The following C1QTNF3 variants were observed in gnomAD, a reference collection of about 807,000 sequenced individuals.
C1QTNF3 encodes the protein C1q and TNF related 3.
A neutral mutation model predicts 32.6 loss-of-function variants in C1QTNF3; 26 were observed. That is an observed-to-expected ratio of 0.80 (90% confidence interval 0.58 to 1.11). The LOEUF is 1.11. Ranked by LOEUF, C1QTNF3 falls within the 50% of genes least tolerant of loss-of-function variation. The pLI is 0.00. For missense variants in C1QTNF3, 362 were observed against 398.2 expected, an observed-to-expected ratio of 0.91 and a Z score of 0.77; for synonymous variants, 155 against 146.0, an observed-to-expected ratio of 1.06 and a Z score of -0.44.
At chr5:34,113,999 A>G in the C1QTNF3 span, among the ~76,000 whole-genome samples, 18 of 152,334 alleles carry the variant, frequency 1.2e-4, no homozygotes, top group Middle Eastern at 3.4e-3. Context: ...GCGATCTTCA[A>G]TGGAAATTTT....
chr5:34,046,365 T>C (rs571212042), upstream of C1QTNF3, among the ~76,000 whole-genome samples: 2 of 152,276 alleles, frequency 1.3e-5, no homozygotes, highest in South Asian at 4.1e-4. Context: ...TTAAAGGTGA[T>C]CAACTTAAGA....
At chr5:34,081,074 C>T in the C1QTNF3 span, among the ~76,000 whole-genome samples, 3 of 151,656 alleles carry the variant, frequency 2.0e-5, no homozygotes, top group African/African-American at 7.3e-5. Flanking sequence ...GGGGAAGCTG[C>T]CTAAACTCTC....
the C1QTNF3 span, among the ~76,000 whole-genome samples, chr5:34,231,159 T>A: frequency 6.6e-6 from 1 of 152,124 alleles, no homozygotes; most frequent in Non-Finnish European, 1.5e-5. Flanking sequence ...ATAAACTTAG[T>A]TTTGCTTTAA....
chr5:34,217,341 G>C, the C1QTNF3 span, among the ~76,000 whole-genome samples: 1 of 152,092 alleles, frequency 6.6e-6, no homozygotes, highest in African/African-American at 2.4e-5. Context: ...TTAATAAAAT[G>C]AGAATTTGTC....
At chr5:34,206,180 CCT>C in the C1QTNF3 span, among the ~76,000 whole-genome samples, 1 of 148,844 alleles carries the variant, frequency 6.7e-6, no homozygotes, top group Non-Finnish European at 1.5e-5. Context: ...AGGTAAATCT[CCT>C]CTGCAAATAA....
chr5:34,040,758 C>G (rs1754851632), intron 1 of C1QTNF3, among the ~76,000 whole-genome samples: 1 of 148,438 alleles, frequency 6.7e-6, no homozygotes, highest in Non-Finnish European at 1.5e-5. Context: ...GCATCCCCAA[C>G]CCAGGAGCTT....
At chr5:34,218,383 C>T in the C1QTNF3 span, 3 of 151,180 alleles carry the variant, frequency 2.0e-5, no homozygotes, top group African/African-American at 7.4e-5. Context: ...CAGGACTACA[C>T]CAAAGAAGCA....
chr5:34,229,892 G>A, the C1QTNF3 span, among the ~76,000 whole-genome samples: 28 of 152,208 alleles, frequency 1.8e-4, no homozygotes, highest in African/African-American at 6.0e-4. Context: ...TCATGATAAT[G>A]TTAGTGTTCT....
the C1QTNF3 span, among the ~76,000 whole-genome samples, chr5:34,111,143 T>A: frequency 1.2e-4 from 19 of 152,350 alleles, no homozygotes; most frequent in Non-Finnish European, 2.5e-4. Flanking sequence ...AGCAACATAC[T>A]TTATCTGATC....
chr5:34,110,143 A>G, the C1QTNF3 span, among the ~76,000 whole-genome samples: 1 of 152,238 alleles, frequency 6.6e-6, no homozygotes, highest in Non-Finnish European at 1.5e-5. Context: ...AGACATTATC[A>G]TGTGACAATA....
chr5:34,146,442 T>C, the C1QTNF3 span, among the ~76,000 whole-genome samples: 1 of 152,196 alleles, frequency 6.6e-6, no homozygotes, highest in East Asian at 1.9e-4. Flanking sequence ...GTCATAAAAA[T>C]AGCATGATAC....
the C1QTNF3 span, chr5:34,218,596 T>C: frequency 6.6e-6 from 1 of 152,478 alleles, no homozygotes; most frequent in African/African-American, 2.4e-5. Context: ...GAGTAAAGGA[T>C]GGACAGAGTC....
the C1QTNF3 span, among the ~76,000 whole-genome samples, chr5:34,124,869 T>C: frequency 1.3e-5 from 2 of 152,198 alleles, no homozygotes; most frequent in Non-Finnish European, 2.9e-5. Flanking sequence ...TAAATTGTTA[T>C]AGTTTCATGA....
the C1QTNF3 span, among the ~76,000 whole-genome samples, chr5:34,183,741 G>A: frequency 1.3e-5 from 2 of 151,396 alleles, no homozygotes; most frequent in Non-Finnish European, 3.0e-5. Flanking sequence ...CTACTTTCAA[G>A]TAATAGTAGT....
chr5:34,166,590 T>A, the C1QTNF3 span: 5 of 152,274 alleles, frequency 3.3e-5, no homozygotes, highest in East Asian at 7.7e-4. Flanking sequence ...ATACTTCAAC[T>A]CTTTTAAATA....
chr5:34,139,267 A>C, the C1QTNF3 span, among the ~76,000 whole-genome samples: 1 of 152,132 alleles, frequency 6.6e-6, no homozygotes, highest in South Asian at 2.1e-4. Flanking sequence ...ATCATGATAC[A>C]TTTTGGAGAA....
the C1QTNF3 span, among the ~76,000 whole-genome samples, chr5:34,088,812 C>T: frequency 6.6e-6 from 1 of 152,082 alleles, no homozygotes; most frequent in South Asian, 2.1e-4. Flanking sequence ...TGTGTTCTGC[C>T]CTATAACTGA....
At chr5:34,219,880 TAAAC>T in the C1QTNF3 span, 3 of 152,118 alleles carry the variant, frequency 2.0e-5, no homozygotes, top group Non-Finnish European at 1.5e-5. Flanking sequence ...GCTATACTAA[TAAAC>T]AAGAAGGAAC....
chr5:34,219,980 A>G, the C1QTNF3 span: 1 of 152,138 alleles, frequency 6.6e-6, no homozygotes. Flanking sequence ...ACAAAAAAAT[A>G]TTATTGCACA....
Sources: allele counts gnomAD v4.1 joint callset (sites outside exome capture counted in the v4.1 genomes callset), GRCh38; gene constraint gnomAD v4.1.1; transcripts MANE v1.5; gene names NCBI Gene and HGNC (gene_info 2026-07-23, HGNC 2026-07-21).